The following EDEM2 variants were observed in gnomAD, a reference collection of about 807,000 sequenced individuals.
EDEM2 encodes the protein ER degradation enhancing alpha-mannosidase like protein 2.
Under a neutral mutation model 64.8 loss-of-function variants are expected in EDEM2, and 39 were observed. That is an observed-to-expected ratio of 0.60 (90% CI 0.47 to 0.79). EDEM2 has a LOEUF of 0.79. Ranked by LOEUF, EDEM2 falls within the 30% of genes least tolerant of loss-of-function variation. The pLI is 0.00. For synonymous variants in EDEM2, 296 were observed against 291.5 expected, an observed-to-expected ratio of 1.02 and a Z score of -0.16; for missense variants, 609 against 731.3, an observed-to-expected ratio of 0.83 and a Z score of 1.93.
chr20:35,143,228 T>C (rs2085682242), intron 3 of EDEM2, among the ~76,000 whole-genome samples: 1 of 152,218 alleles, frequency 6.6e-6, no homozygotes, highest in Non-Finnish European at 1.5e-5. Flanking sequence ...CTGCTGCAGT[T>C]GATTGTGTTA....
chr20:35,136,203 C>G (rs376025802), intron 5 of EDEM2, among the ~76,000 whole-genome samples: 11 of 152,264 alleles, frequency 7.2e-5, no homozygotes, highest in African/African-American at 2.6e-4. Flanking sequence ...AAAAGTCAGG[C>G]TGTAATAAAA....
chr20:35,127,028 T>C (rs1347685877), intron 7 of EDEM2, among the ~76,000 whole-genome samples: 1 of 152,180 alleles, frequency 6.6e-6, no homozygotes, highest in Non-Finnish European at 1.5e-5. Flanking sequence ...TGGTGGGAGA[T>C]AATTGAATCA....
At chr20:35,115,981 T>C (rs1028824650) in intron 10 of EDEM2, 48 bp from the exon 11 acceptor site, 1 of 1,581,348 alleles carries the variant, frequency 6.3e-7, no homozygotes, top group East Asian at 2.2e-5. Flanking sequence ...CACAATTTAG[T>C]AGTAAGGGTC....
intron 4 of EDEM2, among the ~76,000 whole-genome samples, chr20:35,138,833 C>G (rs1476600515): frequency 6.6e-6 from 1 of 152,052 alleles, no homozygotes; most frequent in Non-Finnish European, 1.5e-5. Context: ...ATCCACCTGC[C>G]TCAGCCTCCC....
chr20:35,145,043 C>A (rs768187181), intron 2 of EDEM2, 25 bp from the exon 3 acceptor site: 7 of 1,613,330 alleles, frequency 4.3e-6, no homozygotes, highest in African/African-American at 1.3e-5. Context: ...AAATCCCAGC[C>A]GCTTAGTAAG....
At chr20:35,128,663 T>G (rs1202829965) in intron 7 of EDEM2, among the ~76,000 whole-genome samples, 7 of 149,920 alleles carry the variant, frequency 4.7e-5, no homozygotes. Flanking sequence ...GTTCTGTGAG[T>G]GTTACTGCCC....
In EDEM2 at chr20:35,131,658, G is replaced by A. The variant is rs1168107633; in HGVS notation, c.828C>T (p.Leu276=). Residue 276 remains leucine, a synonymous_variant, in exon 7 of 11, where the codon CTC becomes CTT. Transcript: ENST00000374492. The part of the protein sequence containing the change: ...KGAILLQDKK[L]MAMFLEYNKA... ...CATTTTTACCTAGGAACATGGCCAT[G>A]AGCTTCTTATCCTGAAGCAGGATGG... The A allele has an allele frequency of 6.2e-7, 1 of 1,613,990 alleles. No individual in the cohort carries two copies.
intron 9 of EDEM2, among the ~76,000 whole-genome samples, chr20:35,119,357 G>A (rs950994636): frequency 1.3e-5 from 2 of 152,174 alleles, no homozygotes; most frequent in Non-Finnish European, 2.9e-5. Context: ...CACTTTGGGA[G>A]GCCAAGGTGA....
At chr20:35,138,641 G>A (rs1359467496) in intron 4 of EDEM2, among the ~76,000 whole-genome samples, 3 of 150,306 alleles carry the variant, frequency 2.0e-5, no homozygotes, top group Non-Finnish European at 3.0e-5. Flanking sequence ...GTGCAGTGGC[G>A]CGATTTCGGC....
At chr20:35,124,159 A>G (rs1374804266) in intron 8 of EDEM2, 125 bp from the exon 9 acceptor site, 1 of 1,219,666 alleles carries the variant, frequency 8.2e-7, no homozygotes, top group East Asian at 2.5e-5. Context: ...TGAGTCTGCC[A>G]GTTACTCAGT....
rs1433773874 is a variant in EDEM2 at position 35,115,510 on chromosome 20, G to C, written c.1660C>G (p.Pro554Ala). Residue 554 changes from proline to alanine, a missense_variant, in exon 11 of 11, where the codon CCA becomes GCA. Transcript: ENST00000374492. ...GGCTGACTGGGGCAGCTGAGAAGTG[G>C]GACCTTCTGTTTGGCAGGCTTCCTC... ...RERKPAKQKV[P>A]LLSCPSQPFT... 1.2e-6 allele frequency: 2 copies of C among 1,613,944 alleles called. No individual in the cohort carries two copies. Among genetic ancestry groups the C allele is most frequent in the African/African-American group, 2.7e-5 (2 of 74,922 alleles).
intron 4 of EDEM2, among the ~76,000 whole-genome samples, chr20:35,141,090 C>G (rs367686717): frequency 1.4e-5 from 2 of 141,076 alleles, no homozygotes; most frequent in African/African-American, 2.7e-5. Flanking sequence ...ACTACACTCC[C>G]GCCTGGGCGA....
Position 35,115,942 on chromosome 20 carries a change from T to C in EDEM2, c.1237-9A>G, listed in dbSNP as rs761088338. 41 of 1,610,792 alleles carry C rather than the reference T, an allele frequency of 2.5e-5. No homozygotes were observed. Among genetic ancestry groups the C allele is most frequent in the South Asian group, 3.3e-5 (3 of 90,628 alleles). On this transcript the variant is annotated splice_polypyrimidine_tract_variant and intron_variant, in intron 10 of 10. Transcript: ENST00000374492. Reference sequence around the variant, plus strand: ...TCTCGCAGATCTTTGATCTGACATGTGGGAGAAGGAAGCAAGCTGGAACAC... The same window carrying C: ...TCTCGCAGATCTTTGATCTGACATGCGGGAGAAGGAAGCAAGCTGGAACAC...
chr20:35,119,617 AT>A (rs1188127555), intron 9 of EDEM2, among the ~76,000 whole-genome samples: 6 of 152,256 alleles, frequency 3.9e-5, no homozygotes, highest in African/African-American at 1.4e-4. Context: ...AATTAAAAAA[AT>A]AAAATAAAAT....
At chr20:35,136,455 C>T (rs1221050748) in intron 5 of EDEM2, among the ~76,000 whole-genome samples, 1 of 152,056 alleles carries the variant, frequency 6.6e-6, no homozygotes, top group Non-Finnish European at 1.5e-5. Context: ...GAGGCAAGTG[C>T]TATGTGAGAA....
At chr20:35,146,759 C>T in intron 2 of EDEM2, 66 bp downstream of exon 2, 1 of 1,555,532 alleles carries the variant, frequency 6.4e-7, no homozygotes. Context: ...CCAGCCCCAG[C>T]TGACCCGCCC....
In EDEM2 at chr20:35,126,350, G is replaced by A. The variant is rs1287990466; in HGVS notation, c.870C>T (p.Tyr290=). 1.9e-6 allele frequency: 3 copies of A among 1,614,078 alleles called. No homozygotes were observed. In the Admixed American group the frequency reaches 5.0e-5, roughly 27 times the overall value. The change falls in exon 8 of 11, where the codon TAC becomes TAT. Residue 290 remains tyrosine (Y), a synonymous_variant. Transcript: ENST00000374492. ...ACAGGTACCAGTCATCGAAGCGGGT[G>A]TAGTTCCGGATGGCTTTGTTATACT... is the stretch of plus-strand genomic sequence containing the variant. ...FLEYNKAIRN[Y]TRFDDWYLWV... is the part of the protein sequence containing the mutation.
intron 7 of EDEM2, among the ~76,000 whole-genome samples, chr20:35,127,018 T>C (rs928911244): frequency 6.6e-6 from 1 of 152,164 alleles, no homozygotes; most frequent in Non-Finnish European, 1.5e-5. Context: ...GGAAGGGACC[T>C]GGTGGGAGAT....
At position 35,115,815 on chromosome 20, in the gene EDEM2, G is replaced by A; in HGVS notation, c.1355C>T (p.Ser452Phe). The change falls in exon 11 of 11, where the codon TCC (serine) becomes TTC (phenylalanine). Residue 452 changes from serine (S) to phenylalanine (F), a missense_variant. Ser to Phe is a radical substitution (Grantham distance 155). Transcript: ENST00000374492. ...GGGGGTGATCACCGCGTCGAAGGTG[G>A]ACCCATTGTTGTGGATGAAGTTGGT... ...DPTNFIHNNG[S>F]TFDAVITPYG... 1 of 1,613,496 alleles carries A rather than the reference G, an allele frequency of 6.2e-7. No individual in the cohort carries two copies. Among genetic ancestry groups the A allele is most frequent in the South Asian group, 1.1e-5 (1 of 91,086 alleles).
Sources: gnomAD v4.1 joint callset for allele counts (sites outside exome capture counted in the v4.1 genomes callset) on GRCh38, gnomAD v4.1.1 for gene constraint, MANE v1.5 for transcripts, NCBI Gene and HGNC (gene_info 2026-07-23, HGNC 2026-07-21) for gene names.